MTMR8: variants seen among roughly 807,000 people sequenced by gnomAD.
MTMR8 encodes myotubularin related protein 8, also known as phosphatidylinositol-3,5-bisphosphate 3-phosphatase MTMR8.
In MTMR8, 65 loss-of-function variants were observed where a neutral mutation model predicts 39.3. The observed-to-expected ratio is 1.65, with a 90% confidence interval of 1.35 to 2.03. The LOEUF (loss-of-function observed/expected upper bound fraction) is 2.03. Among genes scored for constraint, MTMR8 ranks in the 30% most tolerant of loss-of-function variants. The pLI is 0.00. For synonymous variants in MTMR8, 245 were observed against 185.2 expected (o/e 1.32, Z -2.62); for missense variants, 777 against 538.9 (o/e 1.44, Z -4.37).
intron 12 of MTMR8, among the ~76,000 whole-genome samples, chrX:64,297,849 C>T (rs1921677375): frequency 9.2e-6 from 1 of 109,000 alleles, no homozygotes; most frequent in Admixed American, 9.9e-5. Context: ...ATCCTTTCCC[C>T]ATTGCTTGTT....
rs147123671 is a variant in MTMR8, at chrX:64,345,960, G to T, written c.733-783C>A. Among the ~76,000 whole-genome samples the T allele has an allele frequency of 5.2e-4, 58 of 111,930 alleles. No individual in the cohort carries two copies. The East Asian group carries it at 0.015, about 29-fold the overall frequency. On this transcript the variant is annotated intron_variant, in intron 6 of 13. Transcript: ENST00000374852. Reference sequence around the variant, plus strand: ...CTAGAAAAATGTCTAAAATGTGACTGCATGAGATAAATGACTTTTACTCAC... The same window carrying T: ...CTAGAAAAATGTCTAAAATGTGACTTCATGAGATAAATGACTTTTACTCAC...
intron 1 of MTMR8, among the ~76,000 whole-genome samples, chrX:64,382,334 G>A (rs1157329030): frequency 2.7e-5 from 3 of 111,377 alleles, no homozygotes; most frequent in African/African-American, 9.8e-5. Flanking sequence ...TTGTAAGTTG[G>A]ATTCCTAGGT....
intron 12 of MTMR8, among the ~76,000 whole-genome samples, chrX:64,307,117 C>G (rs769416114): frequency 8.9e-6 from 1 of 111,968 alleles, no homozygotes; most frequent in East Asian, 2.8e-4. Flanking sequence ...ACTAGGCTTG[C>G]TTTTACTATT....
intron 12 of MTMR8, among the ~76,000 whole-genome samples, chrX:64,273,417 C>A (rs1931806117): frequency 2.0e-5 from 2 of 100,390 alleles, no homozygotes; most frequent in African/African-American, 4.2e-5. Context: ...AAGGAAATAC[C>A]TACAGAAGTT....
chrX:64,295,961 T>C (rs1353472204), intron 12 of MTMR8, among the ~76,000 whole-genome samples: 1 of 112,107 alleles, frequency 8.9e-6, no homozygotes, highest in Non-Finnish European at 1.9e-5. Flanking sequence ...TTTTAGGTTA[T>C]ACCCCAAAGA....
In MTMR8 at chrX:64,305,922, C is replaced by G. The variant is rs1922097760; in HGVS notation, c.1481+22850G>C. 3 of 223,914 alleles carry G rather than the reference C, an allele frequency of 1.3e-5. No homozygotes were observed. In the South Asian group the frequency reaches 2.1e-4, roughly 16 times the overall value. The allele number at this position is 223,914 out of a possible 1,213,427, so 18.5% of individuals were successfully genotyped here. On this transcript the variant is annotated intron_variant, in intron 12 of 13. Transcript: ENST00000374852. ...TTGAGTCCAGGAGTTAGAGACCAGC[C>G]TAGGCAACATGGTGAGACCCTGTCT...
intron 1 of MTMR8, among the ~76,000 whole-genome samples, chrX:64,375,570 G>T (rs760824788): frequency 8.1e-5 from 9 of 110,962 alleles, no homozygotes; most frequent in Non-Finnish European, 1.5e-4. Flanking sequence ...ATTAACAGGT[G>T]GGGTATTTAG....
chrX:64,382,319 G>T (rs374115364), intron 1 of MTMR8, among the ~76,000 whole-genome samples: 1 of 111,299 alleles, frequency 9.0e-6, no homozygotes, highest in Non-Finnish European at 1.9e-5. Context: ...GGTCCTTCAC[G>T]TCCCTTGTAA....
intron 12 of MTMR8, among the ~76,000 whole-genome samples, chrX:64,306,918 C>T (rs766934210): frequency 2.7e-5 from 3 of 111,456 alleles, no homozygotes; most frequent in South Asian, 7.6e-4. Flanking sequence ...GTACAACTCC[C>T]TTCCTCAACC....
chrX:64,359,665 T>C, intron 1 of MTMR8, 138 bp from the exon 2 acceptor site: 2 of 548,533 alleles, frequency 3.6e-6, no homozygotes, highest in Non-Finnish European at 5.6e-6. Flanking sequence ...GGTGGCAAAC[T>C]ACTATGATCT....
chrX:64,323,710 T>C (rs1252636086), intron 12 of MTMR8, among the ~76,000 whole-genome samples: 2 of 107,580 alleles, frequency 1.9e-5, no homozygotes, highest in Non-Finnish European at 3.8e-5. Flanking sequence ...ATTTCCAGTA[T>C]ATTTTTTTTT....
At chrX:64,390,432 G>T (rs1924663782) in intron 1 of MTMR8, among the ~76,000 whole-genome samples, 1 of 111,576 alleles carries the variant, frequency 9.0e-6, no homozygotes, top group African/African-American at 3.3e-5. Context: ...TAACTCCACA[G>T]TTTATTATAG....
chrX:64,307,251 G>C (rs761534704), intron 12 of MTMR8, among the ~76,000 whole-genome samples: 4 of 111,597 alleles, frequency 3.6e-5, no homozygotes, highest in African/African-American at 1.3e-4. Context: ...ATTTTATTGA[G>C]GTCTAATATA....
intron 1 of MTMR8, among the ~76,000 whole-genome samples, chrX:64,385,957 C>G (rs983662477): frequency 9.0e-6 from 1 of 111,119 alleles, no homozygotes; most frequent in Non-Finnish European, 1.9e-5. Context: ...GGGAGTCACT[C>G]AAGTTAAATG....
intron 12 of MTMR8, among the ~76,000 whole-genome samples, chrX:64,303,196 T>C (rs1921961997): frequency 8.9e-6 from 1 of 112,458 alleles, no homozygotes; most frequent in African/African-American, 3.2e-5. Context: ...TTCTGATAAA[T>C]GTGTAGTAGT....
At chrX:64,372,482 C>A (rs971976499) in intron 1 of MTMR8, among the ~76,000 whole-genome samples, 2 of 111,365 alleles carry the variant, frequency 1.8e-5, no homozygotes, top group Non-Finnish European at 3.8e-5. Context: ...AGAGTCACAC[C>A]CATCCCTTCT....
chrX:64,290,908 G>T (rs1030187230), intron 12 of MTMR8, among the ~76,000 whole-genome samples: 4 of 111,771 alleles, frequency 3.6e-5, no homozygotes, highest in African/African-American at 9.7e-5. Flanking sequence ...GAATAAAAAT[G>T]CTATAAGTAT....
In MTMR8 at chrX:64,395,355, A is replaced by G; in HGVS notation, c.9T>C (p.His3=). The change falls in exon 1 of 14, where the codon CAT becomes CAC. Residue 3 remains histidine, a synonymous_variant. Transcript: ENST00000374852. ...TTCTCCTTACCTTGGGTACCGTAAT[A>G]TGATCCATGACTGCAGTTCCCGCCA... MD[H]ITVPKVENVK... 8.3e-7 allele frequency: 1 copy of G among 1,210,119 alleles called. No homozygotes were observed. Among genetic ancestry groups the G allele is most frequent in the Non-Finnish European group, 1.1e-6 (1 of 894,936 alleles).
chrX:64,374,253 A>C (rs969879986), intron 1 of MTMR8, among the ~76,000 whole-genome samples: 3 of 112,023 alleles, frequency 2.7e-5, no homozygotes, highest in Non-Finnish European at 3.8e-5. Flanking sequence ...CAGAGGTCCA[A>C]GTTTCAGAAA....
Sources: allele counts gnomAD v4.1 joint callset (sites outside exome capture counted in the v4.1 genomes callset), GRCh38; gene constraint gnomAD v4.1.1; transcripts MANE v1.5; gene names NCBI Gene and HGNC (gene_info 2026-07-23, HGNC 2026-07-21).